The following SEMA3A variants were observed in gnomAD, a reference collection of about 807,000 sequenced individuals.
SEMA3A encodes the protein semaphorin-3A.
SEMA3A carries 29 observed loss-of-function variants against 97.9 expected under a neutral mutation model. The observed-to-expected ratio is 0.30, with a 90% CI of 0.22 to 0.40. The LOEUF (loss-of-function observed/expected upper bound fraction) is 0.40. Among genes scored for constraint, SEMA3A ranks in the 10% least tolerant of loss-of-function variants. The pLI, the probability that SEMA3A is intolerant of heterozygous loss-of-function variation, is 1.00. For missense variants in SEMA3A, 763 were observed against 951.3 expected (o/e 0.80, Z 2.60); for synonymous variants, 321 against 323.7 (o/e 0.99, Z 0.09).
chr7:84,067,086 G>A (rs931616222), intron 4 of SEMA3A, among the ~76,000 whole-genome samples: 3 of 152,146 alleles, frequency 2.0e-5, no homozygotes, highest in African/African-American at 7.2e-5. Flanking sequence ...ATAGATCAAC[G>A]GAAGAGAACA....
chr7:84,464,160 G>A (rs986896193), intron 1 of SEMA3A, among the ~76,000 whole-genome samples: 1 of 152,058 alleles, frequency 6.6e-6, no homozygotes, highest in Non-Finnish European at 1.5e-5. Flanking sequence ...ACAAATAACA[G>A]TTTTCCTTTA....
chr7:84,391,603 C>A (rs1257012328), intron 1 of SEMA3A, among the ~76,000 whole-genome samples: 2 of 152,034 alleles, frequency 1.3e-5, no homozygotes, highest in Non-Finnish European at 2.9e-5. Flanking sequence ...TATTATCTAG[C>A]AGGGTAAGAT....
At chr7:84,180,201 C>T (rs894396582) in intron 1 of SEMA3A, among the ~76,000 whole-genome samples, 1 of 151,260 alleles carries the variant, frequency 6.6e-6, no homozygotes, top group Non-Finnish European at 1.5e-5. Flanking sequence ...CCACCTCGGC[C>T]TCCCAAAGTC....
chr7:84,140,543 T>G (rs1223846788), intron 1 of SEMA3A, among the ~76,000 whole-genome samples: 1 of 152,158 alleles, frequency 6.6e-6, no homozygotes, highest in Non-Finnish European at 1.5e-5. Context: ...GCTTTAGGCT[T>G]ATGTCCTTTT....
chr7:84,278,667 G>A (rs1033959884), intron 3 of SEMA3A, among the ~76,000 whole-genome samples: 1 of 152,000 alleles, frequency 6.6e-6, no homozygotes, highest in Non-Finnish European at 1.5e-5. Flanking sequence ...GGCAGGCAGA[G>A]CACATGGTGA....
chr7:84,151,520 C>T (rs973402274), intron 1 of SEMA3A, among the ~76,000 whole-genome samples: 6 of 151,466 alleles, frequency 4.0e-5, no homozygotes, highest in African/African-American at 1.2e-4. Context: ...TGAAATGAAG[C>T]GAGAAGGGAA....
chr7:84,373,364 G>A (rs1034408270), intron 1 of SEMA3A, among the ~76,000 whole-genome samples: 5 of 152,170 alleles, frequency 3.3e-5, no homozygotes, highest in Admixed American at 6.5e-5. Flanking sequence ...CTTCATCAGC[G>A]TTACATGGAC....
chr7:84,041,963 AG>A (rs1208239932), intron 6 of SEMA3A, among the ~76,000 whole-genome samples: 1 of 152,146 alleles, frequency 6.6e-6, no homozygotes, highest in Non-Finnish European at 1.5e-5. Context: ...ATGTCTCCAA[AG>A]ATAGTAAGAT....
chr7:84,098,420 G>A (rs1794845365), intron 4 of SEMA3A, among the ~76,000 whole-genome samples: 1 of 151,988 alleles, frequency 6.6e-6, no homozygotes, highest in South Asian at 2.1e-4. Context: ...TAAGGTAGGT[G>A]GGTTTTATTT....
chr7:84,296,289 A>G (rs1800868802), intron 3 of SEMA3A, among the ~76,000 whole-genome samples: 1 of 152,158 alleles, frequency 6.6e-6, no homozygotes, highest in African/African-American at 2.4e-5. Flanking sequence ...TGACAAACCA[A>G]TCATATGATG....
upstream of SEMA3A, among the ~76,000 whole-genome samples, chr7:84,199,115 C>G (rs946293271): frequency 6.6e-6 from 1 of 152,044 alleles, no homozygotes; most frequent in Non-Finnish European, 1.5e-5. Context: ...GTGAGATAGC[C>G]GTCTAAGTAC....
chr7:84,272,208 G>T (rs1039168146), intron 3 of SEMA3A, among the ~76,000 whole-genome samples: 2 of 152,094 alleles, frequency 1.3e-5, no homozygotes, highest in African/African-American at 4.8e-5. Flanking sequence ...GAAAAACAAA[G>T]AAAATTTAGA....
chr7:83,995,652 A>T (rs1339346295), intron 12 of SEMA3A, among the ~76,000 whole-genome samples: 2 of 152,224 alleles, frequency 1.3e-5, no homozygotes, highest in African/African-American at 4.8e-5. Flanking sequence ...ATATGGCTTT[A>T]TAAGCATGTT....
At chr7:84,322,410 C>T (rs1314019838) in intron 2 of SEMA3A, among the ~76,000 whole-genome samples, 1 of 152,136 alleles carries the variant, frequency 6.6e-6, no homozygotes, top group African/African-American at 2.4e-5. Flanking sequence ...ATGTCCCCAA[C>T]CAAATCTCAC....
intron 1 of SEMA3A, among the ~76,000 whole-genome samples, chr7:84,172,771 G>A (rs1797431463): frequency 6.6e-6 from 1 of 152,188 alleles, no homozygotes; most frequent in Non-Finnish European, 1.5e-5. Context: ...TAGCTTGCAT[G>A]CTGTCTGAAA....
intron 1 of SEMA3A, among the ~76,000 whole-genome samples, chr7:84,428,332 TATA>T (rs1376121782): frequency 4.6e-5 from 7 of 152,076 alleles, no homozygotes; most frequent in African/African-American, 1.7e-4. Context: ...ATGACGTAAA[TATA>T]ATTTTTTCTC....
intron 1 of SEMA3A, among the ~76,000 whole-genome samples, chr7:84,486,511 G>C (rs940394705): frequency 7.2e-5 from 11 of 151,862 alleles, no homozygotes; most frequent in African/African-American, 2.2e-4. Context: ...ATATGGCTTG[G>C]GCATGCTCCT....
chr7:84,131,727 G>T (rs916925495), intron 2 of SEMA3A, among the ~76,000 whole-genome samples: 1 of 151,902 alleles, frequency 6.6e-6, no homozygotes, highest in Non-Finnish European at 1.5e-5. Context: ...CATATACATA[G>T]GTTAAAAGGA....
chr7:84,293,290 A>G (rs1388533077), intron 3 of SEMA3A, among the ~76,000 whole-genome samples: 1 of 152,024 alleles, frequency 6.6e-6, no homozygotes, highest in Non-Finnish European at 1.5e-5. Context: ...AGTTAGGAAC[A>G]CTTTGTTTTG....
Sources: allele counts gnomAD v4.1 joint callset (sites outside exome capture counted in the v4.1 genomes callset), GRCh38; gene constraint gnomAD v4.1.1; transcripts MANE v1.5; gene names NCBI Gene and HGNC (gene_info 2026-07-23, HGNC 2026-07-21).